CFHR5: variants seen among roughly 807,000 people sequenced by gnomAD.
The protein encoded by CFHR5 is complement factor H-related protein 5.
A neutral mutation model predicts 62.9 loss-of-function variants in CFHR5; 73 were observed. That is an observed-to-expected ratio of 1.16 (90% CI 0.96 to 1.41). CFHR5 has a LOEUF of 1.41. Ranked by LOEUF, CFHR5 falls within the 40% of genes most tolerant of loss-of-function variation. The pLI, the probability that CFHR5 is intolerant of heterozygous loss-of-function variation, is 0.00. For missense variants in CFHR5, 779 were observed against 679.9 expected, an observed-to-expected ratio of 1.15 and a Z score of -1.62; for synonymous variants, 249 against 227.2, an observed-to-expected ratio of 1.10 and a Z score of -0.86.
At chr1:196,998,044 G>C (rs1230454001) in intron 6 of CFHR5, 84 bp from the exon 7 acceptor site, 12 of 867,874 alleles carry the variant, frequency 1.4e-5, no homozygotes, top group Non-Finnish European at 2.2e-5. Context: ...TTGCTTAAAA[G>C]CATCAAACAT....
chr1:196,988,342 C>G (rs1204086478), intron 3 of CFHR5, among the ~76,000 whole-genome samples: 1 of 152,076 alleles, frequency 6.6e-6, no homozygotes, highest in African/African-American at 2.4e-5. Context: ...TCCTCTTTTC[C>G]TAATTGAATA....
intron 3 of CFHR5, among the ~76,000 whole-genome samples, chr1:196,990,190 C>T (rs1047456199): frequency 1.3e-5 from 2 of 152,040 alleles, no homozygotes; most frequent in African/African-American, 2.4e-5. Context: ...AGGATTACAA[C>T]CCCTGCTTTT....
chr1:196,985,376 T>G (rs1434563944), intron 3 of CFHR5, among the ~76,000 whole-genome samples: 1 of 152,062 alleles, frequency 6.6e-6, no homozygotes, highest in African/African-American at 2.4e-5. Context: ...CAAAATGAAA[T>G]TTAAACCTCT....
chr1:197,004,612 T>A (rs543194015), intron 8 of CFHR5, 49 bp from the exon 9 acceptor site: 1 of 1,388,864 alleles, frequency 7.2e-7, no homozygotes, highest in African/African-American at 1.4e-5. Context: ...CATTATATTA[T>A]TTTGTTTAAA....
chr1:196,976,396 T>A (rs1171205347), upstream of CFHR5, among the ~76,000 whole-genome samples: 3 of 152,086 alleles, frequency 2.0e-5, no homozygotes, highest in Non-Finnish European at 4.4e-5. Context: ...TTCAATAGGA[T>A]CCTCGGGCAT....
chr1:197,006,710 CAA>C (rs199587226), intron 9 of CFHR5, among the ~76,000 whole-genome samples: 184 of 141,728 alleles, frequency 1.3e-3, no homozygotes, highest in Admixed American at 1.3e-3. Context: ...GAAACTCCGT[CAA>C]AAAAAAAAAA....
chr1:196,999,611 T>G (rs1224061052), intron 7 of CFHR5, among the ~76,000 whole-genome samples: 2 of 148,890 alleles, frequency 1.3e-5, no homozygotes, highest in Non-Finnish European at 3.0e-5. Flanking sequence ...GTAAAACCTA[T>G]GAGATGCAAC....
intron 3 of CFHR5, among the ~76,000 whole-genome samples, chr1:196,984,572 T>A (rs1047843601): frequency 3.9e-5 from 6 of 152,224 alleles, no homozygotes; most frequent in African/African-American, 1.4e-4. Flanking sequence ...TCCATACTTC[T>A]GAGAGGTATG....
intron 3 of CFHR5, among the ~76,000 whole-genome samples, chr1:196,985,135 A>G (rs192923690): frequency 1.4e-3 from 215 of 152,282 alleles, no homozygotes; most frequent in African/African-American, 5.0e-3. Context: ...AAGAAATAGA[A>G]TCTGTGGTAG....
chr1:196,988,751 T>A (rs1653761914), intron 3 of CFHR5, among the ~76,000 whole-genome samples: 1 of 152,168 alleles, frequency 6.6e-6, no homozygotes, highest in Non-Finnish European at 1.5e-5. Flanking sequence ...CTTTTTGATG[T>A]GCTGCTGGAT....
rs529682478 is a variant in CFHR5, at chr1:196,978,253, T to A, written c.58+531T>A. Among the ~76,000 whole-genome samples, 12 of 152,214 alleles carry A rather than the reference T, an allele frequency of 7.9e-5. No individual in the cohort carries two copies. In the South Asian group the frequency reaches 1.2e-3, roughly 16 times the overall value. ...TATTTTTATATATAAACCAGTGAAC[T>A]GCCAAAAAATTGTTTCTTCTGAGCT... On this transcript the variant is annotated intron_variant, in intron 1 of 9. Coordinates refer to ENST00000256785, the MANE Select transcript of CFHR5 (RefSeq NM_030787.4).
intron 8 of CFHR5, among the ~76,000 whole-genome samples, chr1:197,003,605 A>G (rs1654205987): frequency 6.6e-6 from 1 of 152,196 alleles, no homozygotes. Context: ...TGATAATTGA[A>G]CAATCTATTT....
At position 197,002,557 on chromosome 1, in the gene CFHR5, AG is replaced by A. The variant is rs771972507; in HGVS notation, c.1225del (p.Asp409MetfsTer5). 9.8e-5 allele frequency: 158 copies of A among 1,613,424 alleles called. No individual in the cohort carries two copies. The highest frequency in any genetic ancestry group is 1.3e-4 in the Non-Finnish European group (153 of 1,179,608). Reference protein sequence around the residue: ...AQNMTTTVNYQDGEKVAVLCK... With the variant: ...AQNMTTTVNYXDGEKVAVLCK... ...AATATGACAACCACAGTGAATTATC[AG>A]GATGGAGAAAAAGTAGCTGTTCTCT... On this transcript the variant is annotated frameshift_variant, in exon 8 of 10. Transcript: ENST00000256785. LOFTEE classifies it high-confidence loss of function.
intron 1 of CFHR5, among the ~76,000 whole-genome samples, chr1:196,980,879 T>C (rs1423882231): frequency 6.6e-6 from 1 of 152,136 alleles, no homozygotes; most frequent in South Asian, 2.1e-4. Flanking sequence ...TAAGTACATA[T>C]GCATGAAAAT....
intron 9 of CFHR5, among the ~76,000 whole-genome samples, chr1:197,007,761 CATATA>C (rs1267345173): frequency 1.4e-5 from 2 of 145,900 alleles, no homozygotes; most frequent in Non-Finnish European, 3.0e-5. Context: ...ATATAATATA[CATATA>C]ATATGTTATG....
chr1:197,008,014 T>A (rs1227280925), intron 9 of CFHR5, among the ~76,000 whole-genome samples: 2 of 148,024 alleles, frequency 1.4e-5, no homozygotes, highest in African/African-American at 4.9e-5. Flanking sequence ...TAAATATATA[T>A]ATAAAGTGCT....
intron 3 of CFHR5, among the ~76,000 whole-genome samples, chr1:196,984,898 T>C (rs1311556466): frequency 6.6e-6 from 1 of 152,186 alleles, no homozygotes; most frequent in African/African-American, 2.4e-5. Flanking sequence ...CACTGAGTTC[T>C]TCCTGGGTTC....
chr1:196,999,796 T>A (rs2125037449), intron 7 of CFHR5, among the ~76,000 whole-genome samples: 1 of 144,912 alleles, frequency 6.9e-6, no homozygotes, highest in Admixed American at 7.0e-5. Flanking sequence ...TATATATGTG[T>A]GTATATATAT....
rs1444770036 is a variant in CFHR5 at position 196,994,191 on chromosome 1, G to C, written c.542G>C (p.Arg181Thr). 5.0e-6 allele frequency: 8 copies of C among 1,613,622 alleles called. No homozygotes were observed. Among genetic ancestry groups the C allele is most frequent in the Non-Finnish European group, 6.8e-6 (8 of 1,179,752 alleles). The change falls in exon 4 of 10, where the codon AGA becomes ACA. Residue 181 changes from arginine to threonine, a missense_variant. By Grantham distance (71) the Arg-to-Thr change is moderately conservative (BLOSUM62 -1). Coordinates refer to ENST00000256785, the MANE Select transcript of CFHR5 (RefSeq NM_030787.4). ...LKFSCRKNLIRVGSDSVQCYQ... is the reference protein window; with the variant it reads ...LKFSCRKNLITVGSDSVQCYQ... ...TTCTCCTGCAGAAAAAATCTTATAA[G>C]AGTTGGATCAGACTCAGTTCAATGT... is the stretch of plus-strand genomic sequence containing the variant.
Sources: gnomAD v4.1 joint callset for allele counts (sites outside exome capture counted in the v4.1 genomes callset) on GRCh38, gnomAD v4.1.1 for gene constraint, MANE v1.5 for transcripts, NCBI Gene and HGNC (gene_info 2026-07-23, HGNC 2026-07-21) for gene names.